Variants in ANKRD26 observed in about 807,000 individuals in gnomAD.
ANKRD26 encodes ankyrin repeat domain-containing protein 26.
Under a neutral mutation model 208.7 loss-of-function variants are expected in ANKRD26, and 141 were observed. The ratio of observed to expected loss-of-function variants is 0.68; its 90% CI spans 0.59 to 0.78. ANKRD26 has a LOEUF of 0.78. Among genes scored for constraint, ANKRD26 ranks in the 30% least tolerant of loss-of-function variants. ANKRD26 has a pLI of 0.00. For synonymous variants in ANKRD26, 636 were observed against 660.4 expected (o/e 0.96, Z 0.57); for missense variants, 1,889 against 1,938.7 (o/e 0.97, Z 0.48).
chr10:27,006,377 G>C (rs981371717), intron 33 of ANKRD26, among the ~76,000 whole-genome samples: 1 of 152,208 alleles, frequency 6.6e-6, no homozygotes, highest in African/African-American at 2.4e-5. Flanking sequence ...GGACCACATT[G>C]ATGTGGGTAT....
chr10:27,010,337 A>AT (rs2053053908), intron 32 of ANKRD26, among the ~76,000 whole-genome samples: 1 of 152,212 alleles, frequency 6.6e-6, no homozygotes, highest in Admixed American at 6.5e-5. Context: ...AAAAAAATCA[A>AT]TTAAGGAAAA....
chr10:27,012,300 C>T (rs2053139809), intron 32 of ANKRD26, among the ~76,000 whole-genome samples: 1 of 151,734 alleles, frequency 6.6e-6, no homozygotes, highest in Non-Finnish European at 1.5e-5. Context: ...CTAATAAATT[C>T]AGCTTTTAAA....
chr10:26,980,467 G>GAGCTCA (rs1366713407), intron 5 of ANKRD26, among the ~76,000 whole-genome samples: 1 of 152,208 alleles, frequency 6.6e-6, no homozygotes, highest in Non-Finnish European at 1.5e-5. Flanking sequence ...ACCTGACAAT[G>GAGCTCA]AGCTCAAATT....
intron 17 of ANKRD26, 73 bp from the exon 18 acceptor site, chr10:27,046,596 T>A: frequency 7.1e-7 from 1 of 1,414,926 alleles, no homozygotes; most frequent in Non-Finnish European, 9.8e-7. Flanking sequence ...AGAAAGAGAG[T>A]TAAGGAAAAG....
chr10:27,059,323 CG>C lies in ANKRD26; in HGVS notation c.1564+1021del, dbSNP rs1387766128. Among the ~76,000 whole-genome samples the C allele has an allele frequency of 2.0e-5, 3 of 152,110 alleles. No individual in the cohort carries two copies. In the East Asian group the frequency reaches 5.8e-4, roughly 29 times the overall value. ...TAAACCAGAGCTACTTGTGTCGATA[CG>C]GGTAGATCTGAAAAATATAATGCTA... On this transcript the variant is annotated intron_variant, in intron 15 of 33. Coordinates refer to ENST00000376087, the MANE Select transcript of ANKRD26 (RefSeq NM_014915.3).
chr10:27,043,374 T>A (rs1248247905), intron 20 of ANKRD26, 52 bp downstream of exon 20: 1 of 1,582,358 alleles, frequency 6.3e-7, no homozygotes, highest in Non-Finnish European at 8.7e-7. Flanking sequence ...TTACATTACA[T>A]ACATTACAAT....
At chr10:27,044,080 C>T (rs993527574) in intron 19 of ANKRD26, 77 bp downstream of exon 19, 41 of 1,100,278 alleles carry the variant, frequency 3.7e-5, no homozygotes, top group Non-Finnish European at 5.1e-5. Flanking sequence ...AGGTGTGAGC[C>T]ACTGTGCCCA....
downstream of ANKRD26, among the ~76,000 whole-genome samples, chr10:26,999,319 G>A (rs1471664887): frequency 6.6e-6 from 1 of 152,172 alleles, no homozygotes; most frequent in African/African-American, 2.4e-5. Context: ...GAGTTTCTAA[G>A]GTTGTAACTT....
chr10:27,067,152 C>T lies in ANKRD26; in HGVS notation c.1207+5G>A. ...AAAAATATTCAGAGATATCCACTAACTTACCACTTCTATTATTTTTGTGCA... is the reference window on the plus strand; with the variant it reads ...AAAAATATTCAGAGATATCCACTAATTTACCACTTCTATTATTTTTGTGCA... On this transcript the variant is annotated splice_donor_5th_base_variant and intron_variant, in intron 10 of 33. Coordinates refer to ENST00000376087, the MANE Select transcript of ANKRD26 (RefSeq NM_014915.3). 1 of 1,612,904 alleles carries T rather than the reference C, an allele frequency of 6.2e-7. No homozygotes were observed. The highest frequency in any genetic ancestry group is 8.5e-7 in the Non-Finnish European group (1 of 1,179,418).
the ANKRD26 span, among the ~76,000 whole-genome samples, chr10:26,952,795 G>A: frequency 2.6e-5 from 4 of 152,190 alleles, no homozygotes; most frequent in African/African-American, 7.2e-5. Context: ...TAGTTCTTTT[G>A]ACCCAACTAG....
At chr10:27,030,453 T>C in intron 25 of ANKRD26, 1 of 985,378 alleles carries the variant, frequency 1.0e-6, no homozygotes, top group Non-Finnish European at 1.2e-6. Context: ...GGTTCCCAAA[T>C]CAAGTCATTT....
exon 5 of ANKRD26, chr10:26,995,101 T>C: frequency 2.1e-6 from 1 of 471,170 alleles, no homozygotes; most frequent in Non-Finnish European, 4.4e-6. Context: ...AGTGAGACAT[T>C]GGTCAGTCAT....
exon 5 of ANKRD26, among the ~76,000 whole-genome samples, chr10:26,980,814 GA>G (rs1269018786): frequency 6.6e-6 from 1 of 152,204 alleles, no homozygotes; most frequent in Non-Finnish European, 1.5e-5. Flanking sequence ...GAAGTTCAGA[GA>G]GGTCGGAGTA....
At chr10:27,014,196 C>A (rs944332737) in intron 31 of ANKRD26, among the ~76,000 whole-genome samples, 4 of 151,242 alleles carry the variant, frequency 2.6e-5, no homozygotes, top group Non-Finnish European at 5.9e-5. Context: ...AATCTGATGA[C>A]AATATCAATG....
downstream of ANKRD26, chr10:27,003,985 T>C (rs1368545593): frequency 6.6e-6 from 1 of 152,220 alleles, no homozygotes; most frequent in Non-Finnish European, 1.5e-5. Flanking sequence ...GTCTATAGAT[T>C]AGATATTAAC....
intron 6 of ANKRD26, 114 bp downstream of exon 6, chr10:27,082,689 G>T: frequency 2.8e-6 from 4 of 1,413,846 alleles, no homozygotes; most frequent in Non-Finnish European, 3.8e-6. Flanking sequence ...CAAAGCTGTT[G>T]GGACGACTAT....
chr10:27,098,552 C>CT (rs34288994), intron 1 of ANKRD26, among the ~76,000 whole-genome samples: 86,548 of 144,198 alleles, frequency 0.6, 26,174 homozygotes, highest in Non-Finnish European at 0.64. Flanking sequence ...AATTTTACCA[C>CT]TTTTTTTTTT....
chr10:26,986,941 A>G (rs1214816409), downstream of ANKRD26, among the ~76,000 whole-genome samples: 1 of 152,240 alleles, frequency 6.6e-6, no homozygotes, highest in Admixed American at 6.5e-5. Flanking sequence ...TATATACCCA[A>G]AGGATTATAA....
intron 4 of ANKRD26, among the ~76,000 whole-genome samples, chr10:26,982,562 G>A (rs2052323844): frequency 6.6e-6 from 1 of 151,468 alleles, no homozygotes; most frequent in African/African-American, 2.4e-5. Flanking sequence ...GTGCTAGAAA[G>A]GCTCATTCTT....
Sources: allele counts gnomAD v4.1 joint callset (sites outside exome capture counted in the v4.1 genomes callset), GRCh38; gene constraint gnomAD v4.1.1; transcripts MANE v1.5; gene names NCBI Gene and HGNC (gene_info 2026-07-23, HGNC 2026-07-21).